Variants in NDUFA5 observed in about 807,000 individuals in gnomAD.
NDUFA5 encodes the protein NADH:ubiquinone oxidoreductase subunit A5, also known as NADH dehydrogenase [ubiquinone] 1 alpha subcomplex subunit 5.
In NDUFA5, 11 loss-of-function variants were observed where a neutral mutation model predicts 19.8. The ratio of observed to expected loss-of-function variants is 0.56; its 90% CI spans 0.35 to 0.92. NDUFA5 has a LOEUF of 0.92. NDUFA5 is among the 40% of genes least tolerant of loss of function. NDUFA5 has a pLI of 0.01. For synonymous variants in NDUFA5, 47 were observed against 46.8 expected, an observed-to-expected ratio of 1.00 and a Z score of -0.01; for missense variants, 109 against 134.2, an observed-to-expected ratio of 0.81 and a Z score of 0.93.
At position 123,545,520 on chromosome 7, in the gene NDUFA5, A is replaced by T. The variant is rs1045075367; in HGVS notation, c.249+91T>A. On this transcript the variant is annotated intron_variant, in intron 4 of 4. Coordinates refer to ENST00000355749, the MANE Select transcript of NDUFA5 (RefSeq NM_005000.5). ...TCTTACATATTTGACGAGTTGATAT[A>T]AACAAGGAAATTTAGTTTTCCTTTC... 15 of 1,018,120 alleles carry T rather than the reference A, an allele frequency of 1.5e-5. No individual in the cohort carries two copies. In the Admixed American group the frequency reaches 2.9e-4, roughly 20 times the overall value. The allele number at this position is 1,018,120 out of a possible 1,614,324, so 63.1% of individuals were successfully genotyped here. A position where few individuals can be genotyped will look rare whatever the true frequency, so the allele number is the denominator to read the frequency against.
the NDUFA5 span, among the ~76,000 whole-genome samples, chr7:123,595,235 G>T: frequency 6.6e-6 from 1 of 152,202 alleles, no homozygotes. Context: ...TCATGTGCTT[G>T]TAATAAAACC....
chr7:123,587,733 T>A, the NDUFA5 span, among the ~76,000 whole-genome samples: 4 of 151,664 alleles, frequency 2.6e-5, no homozygotes, highest in Non-Finnish European at 5.9e-5. Flanking sequence ...TAGCTGAGAG[T>A]TTTTAATATC....
rs759950485 is a variant in NDUFA5 at position 123,542,070 on chromosome 7, A to G, written c.*49T>C. 9.0e-6 allele frequency: 12 copies of G among 1,329,752 alleles called. No homozygotes were observed. Among genetic ancestry groups the G allele is most frequent in the Admixed American group, 6.3e-5 (3 of 47,658 alleles). The allele number at this position is 1,329,752 out of a possible 1,614,324, so 82.4% of individuals were successfully genotyped here. A position where few individuals can be genotyped will look rare whatever the true frequency, so the allele number is the denominator to read the frequency against. On this transcript the variant is annotated 3_prime_UTR_variant, in exon 5 of 5. Coordinates refer to ENST00000355749, the MANE Select transcript of NDUFA5 (RefSeq NM_005000.5). ...AAGAACACGCTCTTAATATAACAGA[A>G]TATTTAATTACATCAGTTTCCCATG...
chr7:123,582,332 T>C, the NDUFA5 span, among the ~76,000 whole-genome samples: 2 of 151,802 alleles, frequency 1.3e-5, no homozygotes, highest in Non-Finnish European at 2.9e-5. Flanking sequence ...ATGTTAAGAC[T>C]CCACAGATGG....
the NDUFA5 span, among the ~76,000 whole-genome samples, chr7:123,573,210 T>A: frequency 2.0e-5 from 3 of 152,046 alleles, no homozygotes; most frequent in Non-Finnish European, 2.9e-5. Context: ...TTAATTTTAT[T>A]TTCTAATATA....
Position 123,542,182 on chromosome 7 carries a change from T to C in NDUFA5, c.288A>G (p.Glu96=). 6.2e-7 allele frequency: 1 copy of C among 1,612,312 alleles called. No individual in the cohort carries two copies. Among genetic ancestry groups the C allele is most frequent in the African/African-American group, 1.3e-5 (1 of 74,962 alleles). Residue 96 remains glutamate, a synonymous_variant, in exon 5 of 5, where the codon GAA becomes GAG. Coordinates refer to ENST00000355749, the MANE Select transcript of NDUFA5 (RefSeq NM_005000.5). ...CCACTAATGGCTCCCATAGTTTCCA[T>C]TCCCTCATTTTTCTTGCCAGATTTA... ...HELNLARKMR[E]WKLWEPLVEE...
the NDUFA5 span, among the ~76,000 whole-genome samples, chr7:123,581,414 TAAAAA>T: frequency 8.0e-6 from 1 of 124,456 alleles, no homozygotes; most frequent in Admixed American, 8.3e-5. Flanking sequence ...AGTGAGCACT[TAAAAA>T]AAAAAAAAAA....
intron 4 of NDUFA5, 39 bp from the exon 5 acceptor site, chr7:123,542,259 C>T (rs1360097940): frequency 1.3e-5 from 19 of 1,439,870 alleles, no homozygotes; most frequent in Non-Finnish European, 1.8e-5. Flanking sequence ...TTGGATTTTA[C>T]TCTTCAACAG....
chr7:123,543,548 A>C (rs1006322302), intron 4 of NDUFA5, among the ~76,000 whole-genome samples: 1 of 152,174 alleles, frequency 6.6e-6, no homozygotes, highest in East Asian at 1.9e-4. Flanking sequence ...AGAATGTAAA[A>C]TATCTCAATA....
chr7:123,596,215 G>T, the NDUFA5 span: 1 of 152,204 alleles, frequency 6.6e-6, no homozygotes, highest in East Asian at 1.9e-4. Context: ...ATTAAAAATT[G>T]TTTTAACATA....
intron 3 of NDUFA5, chr7:123,546,797 G>T: frequency 1.3e-6 from 1 of 793,402 alleles, no homozygotes; most frequent in Non-Finnish European, 1.9e-6. Flanking sequence ...ATTAACTACT[G>T]ATAATTTGCA....
the NDUFA5 span, among the ~76,000 whole-genome samples, chr7:123,598,379 C>T: frequency 6.6e-6 from 1 of 152,084 alleles, no homozygotes; most frequent in African/African-American, 2.4e-5. Context: ...TGTCTTAATT[C>T]ACAAAAACTG....
chr7:123,561,208 T>A (rs925478266), upstream of NDUFA5, among the ~76,000 whole-genome samples: 2 of 152,248 alleles, frequency 1.3e-5, no homozygotes, highest in Non-Finnish European at 2.9e-5. Context: ...CACTGTTTGA[T>A]AACACTTGTC....
the NDUFA5 span, among the ~76,000 whole-genome samples, chr7:123,573,305 T>TG: frequency 6.6e-6 from 1 of 150,516 alleles, no homozygotes; most frequent in Non-Finnish European, 1.5e-5. Context: ...TTTTTTTTTT[T>TG]GTCATCTTAG....
the NDUFA5 span, among the ~76,000 whole-genome samples, chr7:123,590,001 T>C: frequency 6.6e-6 from 1 of 152,212 alleles, no homozygotes; most frequent in African/African-American, 2.4e-5. Context: ...GAATTTTTAA[T>C]GATTGTCATT....
At chr7:123,574,067 C>A in the NDUFA5 span, among the ~76,000 whole-genome samples, 1 of 152,124 alleles carries the variant, frequency 6.6e-6, no homozygotes, top group Non-Finnish European at 1.5e-5. Flanking sequence ...TGATAGCAGT[C>A]TATTTCCACA....
At chr7:123,578,096 T>A in the NDUFA5 span, among the ~76,000 whole-genome samples, 13 of 149,956 alleles carry the variant, frequency 8.7e-5, no homozygotes, top group Non-Finnish European at 1.8e-4. Context: ...CCTGTGTCCA[T>A]GTGTTCTCAT....
rs543204573 is a variant in NDUFA5 at position 123,540,110 on chromosome 7, C to T, written c.*2009G>A. 2.6e-5 allele frequency: 4 copies of T among 152,252 alleles called. No individual in the cohort carries two copies. The highest frequency in any genetic ancestry group is 1.3e-4 in the Admixed American group (2 of 15,288). The allele number at this position is 152,252 out of a possible 1,614,324, so 9.4% of individuals were successfully genotyped here. ...CATAATTGCAGGGGAAAACTACTCA[C>T]GTAGGGTTCTGGTTTCTTATCTGGA... On this transcript the variant is annotated 3_prime_UTR_variant, in exon 5 of 5. Transcript: ENST00000355749.
At chr7:123,556,264 T>C (rs1798534884) in intron 2 of NDUFA5, 1 of 141,378 alleles carries the variant, frequency 7.1e-6, no homozygotes, top group African/African-American at 2.5e-5. Flanking sequence ...TAAGTTTGGG[T>C]TGCCTGTCTG....
Sources: gnomAD v4.1 joint callset for allele counts (sites outside exome capture counted in the v4.1 genomes callset) on GRCh38, gnomAD v4.1.1 for gene constraint, MANE v1.5 for transcripts, NCBI Gene and HGNC (gene_info 2026-07-23, HGNC 2026-07-21) for gene names.